Variants in ACO2 observed in about 807,000 individuals in gnomAD.
The protein encoded by ACO2 is aconitate hydratase, mitochondrial.
ACO2 carries 31 observed loss-of-function variants against 84.5 expected under a neutral mutation model. The observed-to-expected ratio is 0.37, with a 90% CI of 0.28 to 0.50. ACO2 has a LOEUF of 0.50. ACO2 is among the 20% of genes least tolerant of loss of function. ACO2 has a pLI of 0.97. For synonymous variants in ACO2, 414 were observed against 412.7 expected (o/e 1.00, Z -0.04); for missense variants, 685 against 1,029.3 (o/e 0.67, Z 4.58).
intron 16 of ACO2, 41 bp downstream of exon 16, chr22:41,527,461 C>G (rs751129585): frequency 8.3e-6 from 13 of 1,573,702 alleles, no homozygotes; most frequent in Non-Finnish European, 1.1e-5. Context: ...CATCCCATCC[C>G]TAGTGATCAA....
At chr22:41,469,220 G>A (rs780473378) in intron 1 of ACO2, 38 bp downstream of exon 1, 2 of 1,600,290 alleles carry the variant, frequency 1.2e-6, no homozygotes, top group Non-Finnish European at 1.7e-6. Flanking sequence ...CACGGGGGCG[G>A]GGTGCCTCCT....
At chr22:41,518,122 C>T (rs887827256) in intron 7 of ACO2, among the ~76,000 whole-genome samples, 1 of 152,172 alleles carries the variant, frequency 6.6e-6, no homozygotes, top group Non-Finnish European at 1.5e-5. Flanking sequence ...TGGGAGTGAA[C>T]GAGGAGCCAG....
rs1373205177 is a variant in ACO2 at position 41,528,460 on chromosome 22, A to AC, written c.2209-16dup. On this transcript the variant is annotated intron_variant, in intron 17 of 17. Coordinates refer to ENST00000216254, the MANE Select transcript of ACO2 (RefSeq NM_001098.3). ...CACAGTACCCACCACTTCCACCCAC[A>AC]CCCACCTTCTCCTTGCAGCCCCTGA... 1 of 1,610,772 alleles carries AC rather than the reference A, an allele frequency of 6.2e-7. No individual in the cohort carries two copies. Among genetic ancestry groups the AC allele is most frequent in the Non-Finnish European group, 8.5e-7 (1 of 1,179,514 alleles).
chr22:41,469,316 C>G, intron 1 of ACO2, 134 bp downstream of exon 1: 1 of 1,103,092 alleles, frequency 9.1e-7, no homozygotes, highest in Non-Finnish European at 1.3e-6. Flanking sequence ...GTTGTGGGCC[C>G]GGCACCCGTG....
At chr22:41,509,684 G>A (rs962183297) in intron 3 of ACO2, among the ~76,000 whole-genome samples, 5 of 152,066 alleles carry the variant, frequency 3.3e-5, no homozygotes. Context: ...CTGTACTGCT[G>A]GAGTTCTCTG....
chr22:41,527,712 C>T, intron 16 of ACO2, 189 bp from the exon 17 acceptor site: 1 of 947,824 alleles, frequency 1.1e-6, no homozygotes, highest in South Asian at 1.7e-5. Context: ...TCGCAGACCT[C>T]AGCACCAGCG....
intron 1 of ACO2, among the ~76,000 whole-genome samples, chr22:41,478,064 CA>C (rs929775640): frequency 2.1e-5 from 3 of 145,834 alleles, no homozygotes; most frequent in African/African-American, 7.5e-5. Context: ...GACTCTGTCT[CA>C]AAAAAAAAAC....
intron 1 of ACO2, among the ~76,000 whole-genome samples, chr22:41,475,915 C>T (rs1436913461): frequency 1.4e-5 from 2 of 139,284 alleles, no homozygotes; most frequent in Non-Finnish European, 3.2e-5. Flanking sequence ...AAAAAAAAAG[C>T]AGCAGATGGA....
At position 41,507,957 on chromosome 22, in the gene ACO2, G is replaced by C. The variant is rs1182305060; in HGVS notation, c.340G>C (p.Gly114Arg). The change falls in exon 3 of 18, where the codon GGG (glycine) becomes CGG (arginine). Residue 114 changes from glycine to arginine, a missense_variant. By Grantham distance (125) the Gly-to-Arg change is moderately radical (BLOSUM62 -2). Transcript: ENST00000216254. ...QMAMLQFISS[G>R]LSKVAVPSTI... is the part of the protein sequence containing the mutation. ...GGCCATGCTCCAGTTCATCAGCAGC[G>C]GGCTGTCCAAGGTGGCTGTGCCATC... The C allele has an allele frequency of 1.9e-6, 3 of 1,614,100 alleles. No homozygotes were observed. In the African/African-American group the frequency reaches 4.0e-5, roughly 22 times the overall value.
chr22:41,502,514 A>T (rs1400796993), intron 2 of ACO2, among the ~76,000 whole-genome samples: 1 of 152,196 alleles, frequency 6.6e-6, no homozygotes, highest in African/African-American at 2.4e-5. Flanking sequence ...GCTCAGTGGA[A>T]AAGTGATAGA....
At chr22:41,512,174 T>A (rs545350672) in intron 4 of ACO2, 2 of 492,512 alleles carry the variant, frequency 4.1e-6, no homozygotes, top group Non-Finnish European at 7.1e-6. Flanking sequence ...GAAGTTAAAA[T>A]AATACCTCCT....
chr22:41,495,601 G>C (rs1244966765), intron 1 of ACO2, among the ~76,000 whole-genome samples: 1 of 150,348 alleles, frequency 6.7e-6, no homozygotes, highest in Non-Finnish European at 1.5e-5. Context: ...CCAGGCAATA[G>C]GTATTGTTAC....
At chr22:41,510,321 C>T (rs2413646) in intron 3 of ACO2, among the ~76,000 whole-genome samples, 26,729 of 152,066 alleles carry the variant, frequency 0.18, 3,397 homozygotes, top group Admixed American at 0.38. Context: ...TAGTCACATG[C>T]GCCCAGACAC....
intron 4 of ACO2, among the ~76,000 whole-genome samples, chr22:41,512,919 C>T (rs1053874279): frequency 1.3e-5 from 2 of 152,158 alleles, no homozygotes; most frequent in African/African-American, 4.8e-5. Flanking sequence ...GGTGGCCCTT[C>T]CCCCCACCTC....
rs112690874 is a variant in ACO2, at chr22:41,515,350, A to C, written c.526-27A>C. 1.7e-5 allele frequency: 28 copies of C among 1,611,744 alleles called. No individual in the cohort carries two copies. The African/African-American group carries it at 2.1e-4, about 12-fold the overall frequency. ...TGGTATTCTCGGCTGAGGGCTTCTAAATATAACATCTTGGATTATTTTTCA... is the reference window on the plus strand; with the variant it reads ...TGGTATTCTCGGCTGAGGGCTTCTACATATAACATCTTGGATTATTTTTCA... On this transcript the variant is annotated intron_variant, in intron 4 of 17. Coordinates refer to ENST00000216254, the MANE Select transcript of ACO2 (RefSeq NM_001098.3). The surrounding 1 kb of genome is among the most constrained non-coding windows in gnomAD (Gnocchi z 5.8).
At chr22:41,516,536 G>A (rs979301089) in intron 6 of ACO2, among the ~76,000 whole-genome samples, 10 of 152,136 alleles carry the variant, frequency 6.6e-5, no homozygotes, top group Non-Finnish European at 1.3e-4. Flanking sequence ...CAGAACTCTG[G>A]TTCCCCTGCA....
chr22:41,507,443 C>T (rs761578177), intron 2 of ACO2, among the ~76,000 whole-genome samples: 3 of 152,074 alleles, frequency 2.0e-5, no homozygotes, highest in Non-Finnish European at 4.4e-5. Context: ...TGTTAAATGG[C>T]AGGAATGATG....
intron 17 of ACO2, 28 bp downstream of exon 17, chr22:41,528,050 G>A (rs1400800847): frequency 6.2e-7 from 1 of 1,613,804 alleles, no homozygotes. Flanking sequence ...CCCTGAGGTG[G>A]TGGGGTGAGG....
rs1177481730 is a variant in ACO2 at position 41,498,094 on chromosome 22, A to C, written c.37-1632A>C. 5.9e-5 allele frequency among the ~76,000 whole-genome samples: 9 copies of C among 152,318 alleles called. No individual in the cohort carries two copies. The South Asian group carries it at 1.0e-3, about 18-fold the overall frequency. On this transcript the variant is annotated intron_variant, in intron 1 of 17. Transcript: ENST00000216254. ...GGGAGGCGGAGGTTGCAGTGAGCTG[A>C]GATCGCTCCACTGCATTCTAGCCTG... is the stretch of plus-strand genomic sequence containing the variant.
Sources: gnomAD v4.1 joint callset for allele counts (sites outside exome capture counted in the v4.1 genomes callset) on GRCh38, gnomAD v4.1.1 for gene constraint, Gnocchi (gnomAD v3.1) non-coding constraint, MANE v1.5 for transcripts, NCBI Gene and HGNC (gene_info 2026-07-23, HGNC 2026-07-21) for gene names.